SDK1: variants seen among roughly 807,000 people sequenced by gnomAD.
The protein encoded by SDK1 is protein sidekick-1.
Under a neutral mutation model 245.5 loss-of-function variants are expected in SDK1, and 157 were observed. That is an observed-to-expected ratio of 0.64 (90% confidence interval 0.56 to 0.73). The LOEUF is 0.73. SDK1 is among the 30% of genes least tolerant of loss of function. SDK1 has a pLI of 0.00. For missense variants in SDK1, 3,583 were observed against 3,002.3 expected, an observed-to-expected ratio of 1.19 and a Z score of -4.52; for synonymous variants, 1,647 against 1,278.5, an observed-to-expected ratio of 1.29 and a Z score of -6.15.
chr7:3,641,820 G>T (rs1161882060), intron 3 of SDK1, 138 bp from the exon 4 acceptor site: 3 of 710,854 alleles, frequency 4.2e-6, no homozygotes, highest in Non-Finnish European at 7.0e-6. Context: ...CAGCGCTGCC[G>T]TGCAGTCTCG....
At chr7:4,187,921 A>G (rs1782984541) in intron 35 of SDK1, among the ~76,000 whole-genome samples, 1 of 151,198 alleles carries the variant, frequency 6.6e-6, no homozygotes, top group African/African-American at 2.4e-5. Flanking sequence ...AAAGAAAAAG[A>G]GGTTGAACGG....
intron 7 of SDK1, among the ~76,000 whole-genome samples, chr7:3,954,163 C>T (rs903609133): frequency 2.0e-5 from 3 of 151,712 alleles, no homozygotes; most frequent in Non-Finnish European, 4.4e-5. Flanking sequence ...TGAATGAGAG[C>T]ACAGAGGTCG....
At chr7:3,572,762 C>G (rs1331785243) in intron 1 of SDK1, among the ~76,000 whole-genome samples, 1 of 152,090 alleles carries the variant, frequency 6.6e-6, no homozygotes, top group Non-Finnish European at 1.5e-5. Flanking sequence ...ACAGGACTTT[C>G]ACTTAGCAGG....
intron 5 of SDK1, among the ~76,000 whole-genome samples, chr7:3,884,686 C>T (rs749589621): frequency 6.6e-6 from 1 of 152,208 alleles, no homozygotes; most frequent in Non-Finnish European, 1.5e-5. Flanking sequence ...GTGTGGGGAC[C>T]GGCCCCTCCA....
At chr7:3,744,989 GA>G (rs1779578552) in intron 4 of SDK1, among the ~76,000 whole-genome samples, 1 of 152,118 alleles carries the variant, frequency 6.6e-6, no homozygotes, top group East Asian at 1.9e-4. Context: ...TCAGTGATGA[GA>G]AAAAAGTAGC....
intron 1 of SDK1, among the ~76,000 whole-genome samples, chr7:3,506,636 C>T (rs917616311): frequency 1.3e-5 from 2 of 152,096 alleles, no homozygotes; most frequent in Non-Finnish European, 2.9e-5. Context: ...TTATTTCTTA[C>T]AGTCTTCCTC....
At chr7:3,392,239 A>C (rs1318711839) in intron 1 of SDK1, among the ~76,000 whole-genome samples, 1 of 152,104 alleles carries the variant, frequency 6.6e-6, no homozygotes, top group Non-Finnish European at 1.5e-5. Context: ...AGCAAATTCC[A>C]CTTGTGACCA....
chr7:4,165,300 A>C (rs1002664026), intron 32 of SDK1, among the ~76,000 whole-genome samples: 8 of 152,102 alleles, frequency 5.3e-5, no homozygotes, highest in Admixed American at 4.6e-4. Context: ...TGGAGGTTGC[A>C]GTGAGCCAAG....
At chr7:3,922,290 G>C (rs1376604461) in intron 5 of SDK1, among the ~76,000 whole-genome samples, 1 of 152,188 alleles carries the variant, frequency 6.6e-6, no homozygotes, top group African/African-American at 2.4e-5. Context: ...GTCGGGATGT[G>C]CTGGAGCCCA....
chr7:4,138,495 C>A (rs1478928566), intron 28 of SDK1, among the ~76,000 whole-genome samples: 1 of 152,104 alleles, frequency 6.6e-6, no homozygotes, highest in Admixed American at 6.5e-5. Flanking sequence ...CCTGTAATCC[C>A]AGCACTTTGG....
At chr7:3,338,353 A>G (rs1780257415) in intron 1 of SDK1, 1 of 515,210 alleles carries the variant, frequency 1.9e-6, no homozygotes, top group Non-Finnish European at 3.7e-6. Context: ...ATTGTAAACA[A>G]ACAAGGTCAG....
At chr7:3,926,668 C>T (rs370145852) in intron 5 of SDK1, among the ~76,000 whole-genome samples, 4 of 152,104 alleles carry the variant, frequency 2.6e-5, no homozygotes, top group Non-Finnish European at 5.9e-5. Flanking sequence ...TGTGAGCCAC[C>T]GTGAGGTCCT....
intron 1 of SDK1, among the ~76,000 whole-genome samples, chr7:3,608,514 T>G (rs1027497936): frequency 2.6e-5 from 4 of 152,214 alleles, no homozygotes; most frequent in Admixed American, 2.0e-4. Context: ...ATTGAGCTCA[T>G]AAGTAAAAAT....
chr7:3,811,074 A>G (rs67200393), intron 4 of SDK1, among the ~76,000 whole-genome samples: 30,006 of 152,184 alleles, frequency 0.2, 3,229 homozygotes, highest in Middle Eastern at 0.37. Context: ...CTTACTTGCC[A>G]GTCACATTCT....
At chr7:3,793,972 C>G (rs934052950) in intron 4 of SDK1, among the ~76,000 whole-genome samples, 15 of 152,206 alleles carry the variant, frequency 9.9e-5, no homozygotes, top group Admixed American at 5.9e-4. Context: ...GCCTTTTGTT[C>G]TAAGGGCACC....
chr7:3,806,930 G>A (rs957407293), intron 4 of SDK1, among the ~76,000 whole-genome samples: 1 of 152,092 alleles, frequency 6.6e-6, no homozygotes, highest in Non-Finnish European at 1.5e-5. Flanking sequence ...TCTTACGTGT[G>A]TATTGTTGTG....
chr7:3,670,583 G>T (rs1232860734), intron 4 of SDK1, among the ~76,000 whole-genome samples: 1 of 152,182 alleles, frequency 6.6e-6, no homozygotes, highest in Non-Finnish European at 1.5e-5. Flanking sequence ...CGTGTGCGGT[G>T]GTAGCACAGT....
intron 1 of SDK1, among the ~76,000 whole-genome samples, chr7:3,589,351 A>T (rs1780787972): frequency 6.6e-6 from 1 of 152,176 alleles, no homozygotes; most frequent in South Asian, 2.1e-4. Flanking sequence ...TTTTGACATC[A>T]GTACTTATTT....
chr7:3,432,746 A>G (rs1779894373), intron 1 of SDK1, among the ~76,000 whole-genome samples: 1 of 152,216 alleles, frequency 6.6e-6, no homozygotes, highest in Non-Finnish European at 1.5e-5. Flanking sequence ...ATGGATACCC[A>G]CATTTAAGTT....
Sources: gnomAD v4.1 joint callset for allele counts (sites outside exome capture counted in the v4.1 genomes callset) on GRCh38, gnomAD v4.1.1 for gene constraint, MANE v1.5 for transcripts, NCBI Gene and HGNC (gene_info 2026-07-23, HGNC 2026-07-21) for gene names.